The following KANSL1 variants were observed in gnomAD, a reference collection of about 807,000 sequenced individuals.
KANSL1 encodes KAT8 regulatory NSL complex subunit 1, also known as MLL1/MLL complex subunit KANSL1.
KANSL1 carries 22 observed loss-of-function variants against 103.6 expected under a neutral mutation model. That is an observed-to-expected ratio of 0.21 (90% CI 0.15 to 0.30). KANSL1 has a LOEUF of 0.30. Among genes scored for constraint, KANSL1 ranks in the 10% least tolerant of loss-of-function variants. KANSL1 has a pLI of 1.00. For missense variants in KANSL1, 1,337 were observed against 1,399.8 expected (o/e 0.96, Z 0.72); for synonymous variants, 600 against 527.6 (o/e 1.14, Z -1.88).
intron 4 of KANSL1, among the ~76,000 whole-genome samples, chr17:46,080,883 A>G (rs2078966084): frequency 6.6e-6 from 1 of 152,168 alleles, no homozygotes; most frequent in East Asian, 1.9e-4. Context: ...TCAATCCAAA[A>G]AGCATTCTAT....
chr17:46,171,860 G>T lies in KANSL1; in HGVS notation c.284C>A (p.Ser95Tyr). The stretch of plus-strand genomic sequence containing the variant: ...GCTGAAGACCCCTTGCAACTTCAAA[G>T]ACTCCTTTGAGGGAACAGATGTTAC... ...SDVTSVPSKE[S>Y]LKLQGVFSKQ... is the part of the protein sequence containing the mutation. Residue 95 changes from serine to tyrosine, a missense_variant, in exon 2 of 15, where the codon TCT (serine) becomes TAT (tyrosine). Coordinates refer to ENST00000432791, the MANE Select transcript of KANSL1 (RefSeq NM_015443.4). 1 of 1,614,248 alleles carries T rather than the reference G, an allele frequency of 6.2e-7. No homozygotes were observed. Among genetic ancestry groups the T allele is most frequent in the South Asian group, 1.1e-5 (1 of 91,090 alleles).
At chr17:46,114,976 C>T (rs1567691315) in intron 2 of KANSL1, among the ~76,000 whole-genome samples, 1 of 152,180 alleles carries the variant, frequency 6.6e-6, no homozygotes, top group Non-Finnish European at 1.5e-5. Context: ...GATTTAGGTC[C>T]ATTTCACTGA....
At chr17:46,162,844 C>T (rs1234257291) in intron 2 of KANSL1, among the ~76,000 whole-genome samples, 1 of 152,250 alleles carries the variant, frequency 6.6e-6, no homozygotes, top group Admixed American at 6.5e-5. Context: ...TCTCATTTCT[C>T]ACTACTTGTA....
chr17:46,096,299 T>C (rs547743686), intron 2 of KANSL1, among the ~76,000 whole-genome samples: 119 of 139,868 alleles, frequency 8.5e-4, no homozygotes, highest in Non-Finnish European at 6.9e-4. Context: ...ACTACATACC[T>C]GGCTTTTTTT....
In KANSL1 at chr17:46,056,012, T is replaced by G. The variant is rs2077913800; in HGVS notation, c.1849-5308A>C. Among the ~76,000 whole-genome samples, 6 of 152,350 alleles carry G rather than the reference T, an allele frequency of 3.9e-5. 1 individual carries two copies. The South Asian group carries it at 1.2e-3, about 32-fold the overall frequency. ...TTATTCATTTTCATTTTATTTTATT[T>G]TTTTGATACAGAGTCTCGCTCTGTT... On this transcript the variant is annotated intron_variant, in intron 6 of 14. Transcript: ENST00000432791.
At chr17:46,215,633 C>G (rs959352064) in intron 1 of KANSL1, among the ~76,000 whole-genome samples, 3 of 152,174 alleles carry the variant, frequency 2.0e-5, no homozygotes, top group African/African-American at 7.2e-5. Flanking sequence ...AAGAAGGAAC[C>G]CAGAGGCCTC....
At position 46,082,340 on chromosome 17, in the gene KANSL1, C is replaced by G. The variant is rs16940874; in HGVS notation, c.1533+101G>C. ...GATAAAAGTAGATACAGTTCCCCTTCTTCAGCCAATGCAAGGATCCTAGTT... is the reference window on the plus strand; with the variant it reads ...GATAAAAGTAGATACAGTTCCCCTTGTTCAGCCAATGCAAGGATCCTAGTT... On this transcript the variant is annotated intron_variant, in intron 4 of 14. Coordinates refer to ENST00000432791, the MANE Select transcript of KANSL1 (RefSeq NM_015443.4). 0.021 allele frequency: 14,538 copies of G among 680,610 alleles called. 1,010 individuals carry two copies. The highest frequency in any genetic ancestry group is 0.18 in the African/African-American group (10,121 of 55,524). 42.2% of individuals were successfully genotyped at this position (680,610 alleles called of 1,614,324 possible).
chr17:46,188,292 T>G (rs1387389740), intron 1 of KANSL1, among the ~76,000 whole-genome samples: 3 of 152,246 alleles, frequency 2.0e-5, no homozygotes. Flanking sequence ...TTCAACTGAG[T>G]TTTGATCTCA....
At chr17:46,196,819 T>C (rs189787843), upstream of KANSL1, 231 of 197,946 alleles carry the variant, frequency 1.2e-3, 1 homozygote, top group African/African-American at 5.3e-3. Context: ...AGAAAAGACA[T>C]TCCATGGCCA....
intron 1 of KANSL1, among the ~76,000 whole-genome samples, chr17:46,173,864 T>C (rs956329): frequency 0.14 from 21,951 of 152,176 alleles, 2,139 homozygotes; most frequent in Non-Finnish European, 0.22. Context: ...AAAGGGAAAG[T>C]ATGCATAAAG....
intron 6 of KANSL1, among the ~76,000 whole-genome samples, chr17:46,063,093 A>G (rs961302719): frequency 3.9e-5 from 6 of 152,224 alleles, no homozygotes; most frequent in South Asian, 2.1e-4. Flanking sequence ...AGTTCCCTCA[A>G]GTATGTTTTA....
intron 3 of KANSL1, among the ~76,000 whole-genome samples, chr17:46,085,959 G>C (rs1030061317): frequency 6.6e-6 from 1 of 152,166 alleles, no homozygotes; most frequent in South Asian, 2.1e-4. Flanking sequence ...GTTTATTGAA[G>C]ATGTGGACAA....
intron 3 of KANSL1, among the ~76,000 whole-genome samples, chr17:46,086,638 G>A (rs1166356535): frequency 1.3e-5 from 2 of 152,172 alleles, no homozygotes; most frequent in African/African-American, 4.8e-5. Flanking sequence ...ACAAAATATA[G>A]GATAGTGAGG....
At chr17:46,053,147 T>A (rs971139202) in intron 6 of KANSL1, among the ~76,000 whole-genome samples, 2 of 151,604 alleles carry the variant, frequency 1.3e-5, no homozygotes, top group Non-Finnish European at 2.9e-5. Flanking sequence ...AAACTGGGCA[T>A]GGTGGTGGGC....
intron 3 of KANSL1, among the ~76,000 whole-genome samples, chr17:46,089,004 A>G (rs1461509681): frequency 2.0e-5 from 3 of 152,146 alleles, no homozygotes; most frequent in African/African-American, 7.2e-5. Context: ...TAGAAAAAAA[A>G]TGCTTTGGAA....
chr17:46,189,262 T>C lies in KANSL1; in HGVS notation c.-90+3561A>G, dbSNP rs924826336. ...AAAAGAAACAAAATCTCTAAACCACTCAATAAGATTTACTCTGGGGCAATC... is the reference window on the plus strand; with the variant it reads ...AAAAGAAACAAAATCTCTAAACCACCCAATAAGATTTACTCTGGGGCAATC... On this transcript the variant is annotated intron_variant, in intron 1 of 14. Transcript: ENST00000432791. Among the ~76,000 whole-genome samples, 22 of 151,836 alleles carry C rather than the reference T, an allele frequency of 1.4e-4. 1 individual carries two copies. The highest frequency in any genetic ancestry group is 5.3e-4 in the African/African-American group (22 of 41,234).
intron 3 of KANSL1, chr17:46,094,188 G>A (rs62061792): frequency 0.14 from 28,058 of 206,502 alleles, 2,516 homozygotes; most frequent in Middle Eastern, 0.19. Context: ...CCTCCACTTC[G>A]TGGGCTCAAG....
chr17:46,096,758 A>G (rs1848211808), intron 2 of KANSL1, among the ~76,000 whole-genome samples: 2 of 152,046 alleles, frequency 1.3e-5, no homozygotes, highest in Admixed American at 1.3e-4. Context: ...AACTGGGACT[A>G]CAGGCGCCCA....
chr17:46,096,628 C>CTTTTT (rs544432917), intron 2 of KANSL1, among the ~76,000 whole-genome samples: 119 of 147,202 alleles, frequency 8.1e-4, no homozygotes, highest in African/African-American at 2.9e-3. Context: ...CCCTGACTAA[C>CTTTTT]TTTTTTTTGA....
Sources: gnomAD v4.1 joint callset for allele counts (sites outside exome capture counted in the v4.1 genomes callset) on GRCh38, gnomAD v4.1.1 for gene constraint, MANE v1.5 for transcripts, NCBI Gene and HGNC (gene_info 2026-07-23, HGNC 2026-07-21) for gene names.